Variants in KATNIP observed in about 807,000 individuals in gnomAD.
The protein encoded by KATNIP is katanin-interacting protein.
KATNIP carries 126 observed loss-of-function variants against 174.0 expected under a neutral mutation model. The ratio of observed to expected loss-of-function variants is 0.72; its 90% CI spans 0.63 to 0.84. The LOEUF (loss-of-function observed/expected upper bound fraction) is 0.84. Ranked by LOEUF, KATNIP falls within the 40% of genes least tolerant of loss-of-function variation. KATNIP has a pLI of 0.00. For synonymous variants in KATNIP, 810 were observed against 835.7 expected (o/e 0.97, Z 0.53); for missense variants, 1,958 against 2,109.7 (o/e 0.93, Z 1.41).
chr16:27,677,692 A>G, intron 6 of KATNIP, 37 bp from the exon 7 acceptor site: 3 of 1,572,302 alleles, frequency 1.9e-6, no homozygotes, highest in Admixed American at 3.6e-5. Flanking sequence ...TCAAGGTACC[A>G]TATTTATCTC....
chr16:27,737,758 C>A, intron 14 of KATNIP, among the ~76,000 whole-genome samples: 1 of 152,300 alleles, frequency 6.6e-6, no homozygotes, highest in Non-Finnish European at 1.5e-5. Flanking sequence ...CCGCCACACC[C>A]ACCCACTCCT....
rs866797024 is a variant in KATNIP at position 27,767,100 on chromosome 16, G to T, written c.3975+626G>T. 4.6e-5 allele frequency among the ~76,000 whole-genome samples: 7 copies of T among 152,220 alleles called. No individual in the cohort carries two copies. The South Asian group carries it at 1.5e-3, about 32-fold the overall frequency. On this transcript the variant is annotated intron_variant, in intron 20 of 27. Transcript: ENST00000261588. ...TTTTCTCTGGCTTTTCTGGCCTCAG[G>T]TGACTGAATGGGTGCCCTCCAGTCA...
rs143544045 is a variant in KATNIP at position 27,698,403 on chromosome 16, A to C, written c.1016A>C (p.Asp339Ala). The C allele has an allele frequency of 1.9e-5, 30 of 1,613,600 alleles. No homozygotes were observed. The highest frequency in any genetic ancestry group is 2.7e-5 in the African/African-American group (2 of 74,944). The change falls in exon 9 of 28, where the codon GAT becomes GCT. Residue 339 changes from aspartate to alanine, a missense_variant. Physicochemically the swap from Asp to Ala is moderately radical, Grantham distance 126 (BLOSUM62 -2). This residue lies in a region of KATNIP where 1,557 missense variants were observed against 1,617.8 expected (regional missense o/e 0.96). Transcript: ENST00000261588. ...TGCGAGGCTGAGTACCCAGAGGAAG[A>C]TGCCTCTGCTGTGCTCCAAGCCATC... Reference protein sequence around the residue: ...TLCEAEYPEEDASAVLQAIQV... With the variant: ...TLCEAEYPEEAASAVLQAIQV...
chr16:27,590,054 A>C (rs1414006411), intron 2 of KATNIP, among the ~76,000 whole-genome samples: 1 of 151,916 alleles, frequency 6.6e-6, no homozygotes, highest in Non-Finnish European at 1.5e-5. Flanking sequence ...TATGTTTCCC[A>C]AGTTACCAGC....
Position 27,561,867 on chromosome 16 carries a change from A to G in KATNIP, c.7+11690A>G, listed in dbSNP as rs529015884. 3.3e-5 allele frequency among the ~76,000 whole-genome samples: 5 copies of G among 152,332 alleles called. No individual in the cohort carries two copies. The South Asian group carries it at 8.3e-4, about 25-fold the overall frequency. ...TCTTAGAACCGTGAAGTTCCCTTGC[A>G]GGGGTCACACATTTAGAGGCCTGCA... On this transcript the variant is annotated intron_variant, in intron 1 of 27. Coordinates refer to ENST00000261588, the MANE Select transcript of KATNIP (RefSeq NM_015202.5).
At chr16:27,727,740 G>A (rs1252316356) in intron 14 of KATNIP, 1 of 152,226 alleles carries the variant, frequency 6.6e-6, no homozygotes, top group Non-Finnish European at 1.5e-5. Flanking sequence ...CAGTAATGAG[G>A]CGTGTATCCA....
chr16:27,747,261 A>G (rs769335819), intron 15 of KATNIP, among the ~76,000 whole-genome samples: 1 of 152,352 alleles, frequency 6.6e-6, no homozygotes, highest in African/African-American at 2.4e-5. Flanking sequence ...GAGGTTTGCC[A>G]GGGATGTCAC....
Position 27,769,946 on chromosome 16 carries a change from A to G in KATNIP, c.4061A>G (p.His1354Arg), listed in dbSNP as rs1483221556. Residue 1354 changes from histidine (H) to arginine (R), a missense_variant, in exon 21 of 28, where the codon CAC (histidine) becomes CGC (arginine). His to Arg is a conservative substitution (Grantham distance 29). Coordinates refer to ENST00000261588, the MANE Select transcript of KATNIP (RefSeq NM_015202.5). Reference protein sequence around the residue: ...FLIRKGPGNCHFDFAQEILFV... With the variant: ...FLIRKGPGNCRFDFAQEILFV... ...ATCCGGAAGGGGCCAGGCAACTGCCACTTTGATTTTGCTCAAGAAATCCTC... is the reference window on the plus strand; with the variant it reads ...ATCCGGAAGGGGCCAGGCAACTGCCGCTTTGATTTTGCTCAAGAAATCCTC... 6.2e-6 allele frequency: 10 copies of G among 1,614,076 alleles called. No homozygotes were observed. The highest frequency in any genetic ancestry group is 8.5e-6 in the Non-Finnish European group (10 of 1,180,038).
chr16:27,671,925 G>A (rs1314492881), intron 6 of KATNIP, among the ~76,000 whole-genome samples: 12 of 151,998 alleles, frequency 7.9e-5, no homozygotes, highest in Admixed American at 6.6e-5. Context: ...GTGTGGTGGC[G>A]GGCGCCTGTG....
intron 6 of KATNIP, among the ~76,000 whole-genome samples, chr16:27,674,366 T>C (rs901854324): frequency 1.3e-5 from 2 of 152,226 alleles, no homozygotes; most frequent in Non-Finnish European, 2.9e-5. Context: ...ACTTAAAGTA[T>C]AATAATAAAA....
chr16:27,679,857 C>G (rs947385562), intron 7 of KATNIP, among the ~76,000 whole-genome samples: 8 of 152,044 alleles, frequency 5.3e-5, no homozygotes, highest in African/African-American at 1.9e-4. Flanking sequence ...CAGACATGCT[C>G]TCACCATGTT....
chr16:27,753,431 G>A (rs1425603910), intron 17 of KATNIP, among the ~76,000 whole-genome samples: 4 of 152,064 alleles, frequency 2.6e-5, no homozygotes, highest in African/African-American at 7.2e-5. Flanking sequence ...TGGGCCCAGC[G>A]CTGTGAGGGG....
At chr16:27,563,339 G>A (rs2089960641) in intron 1 of KATNIP, among the ~76,000 whole-genome samples, 1 of 152,172 alleles carries the variant, frequency 6.6e-6, no homozygotes, top group South Asian at 2.1e-4. Flanking sequence ...GCAGGAAGGA[G>A]TCTTGGGTCT....
chr16:27,626,218 A>C (rs1273060707), intron 3 of KATNIP, among the ~76,000 whole-genome samples: 2 of 140,888 alleles, frequency 1.4e-5, no homozygotes, highest in Non-Finnish European at 3.1e-5. Flanking sequence ...TGAACAGATC[A>C]CAGTCCCCCA....
At chr16:27,550,292 A>AG in intron 1 of KATNIP, 115 bp downstream of exon 1, 2 of 1,222,728 alleles carry the variant, frequency 1.6e-6, no homozygotes, top group South Asian at 2.9e-5. Flanking sequence ...TCCTGACCCA[A>AG]GGGGGTCTCC....
chr16:27,749,687 C>T lies in KATNIP; in HGVS notation c.2727C>T (p.Ser909=), dbSNP rs1197006756. 6.2e-7 allele frequency: 1 copy of T among 1,613,276 alleles called. No individual in the cohort carries two copies. The highest frequency in any genetic ancestry group is 8.5e-7 in the Non-Finnish European group (1 of 1,179,580). Reference sequence around the variant, plus strand: ...GCTCCCTCAGTGCCTTCGACCGCTCCCACCGGGGACGCATCTCCAACACGG... The same window carrying T: ...GCTCCCTCAGTGCCTTCGACCGCTCTCACCGGGGACGCATCTCCAACACGG... The part of the protein sequence containing the change: ...SWSSLSAFDR[S]HRGRISNTEL... Residue 909 remains serine, a synonymous_variant, in exon 16 of 28, where the codon TCC becomes TCT. Transcript: ENST00000261588.
At chr16:27,653,870 A>C (rs1375464592) in intron 6 of KATNIP, among the ~76,000 whole-genome samples, 1 of 151,946 alleles carries the variant, frequency 6.6e-6, no homozygotes, top group African/African-American at 2.4e-5. Flanking sequence ...ATATCCCACT[A>C]TGTTGCCCTG....
chr16:27,637,685 G>A lies in KATNIP; in HGVS notation c.408+6523G>A, dbSNP rs1388198995. ...AGAGGAGGCAGGGCGATCAGGACAG[G>A]GTGGCAGAAAGGGTGGGGATGAGGG... On this transcript the variant is annotated intron_variant, in intron 5 of 27. Coordinates refer to ENST00000261588, the MANE Select transcript of KATNIP (RefSeq NM_015202.5). This position sits in a 1 kb window ranked among gnomAD's most constrained non-coding sequence, Gnocchi z 4.7. Among the ~76,000 whole-genome samples the A allele has an allele frequency of 1.3e-5, 2 of 152,176 alleles. No individual in the cohort carries two copies. The highest frequency in any genetic ancestry group is 3.9e-4 in the East Asian group (2 of 5,184).
chr16:27,605,856 G>A (rs978587174), intron 2 of KATNIP, among the ~76,000 whole-genome samples: 11 of 152,126 alleles, frequency 7.2e-5, no homozygotes. Flanking sequence ...CAGGTCAGGT[G>A]CGGTGGCTCA....
Sources: allele counts gnomAD v4.1 joint callset (sites outside exome capture counted in the v4.1 genomes callset), GRCh38; gene constraint gnomAD v4.1.1; regional missense constraint gnomAD v4.1.1; non-coding constraint Gnocchi (gnomAD v3.1); transcripts MANE v1.5; gene names NCBI Gene and HGNC (gene_info 2026-07-23, HGNC 2026-07-21).